Variants in PTPN13 observed in about 807,000 individuals in gnomAD.
PTPN13 encodes tyrosine-protein phosphatase non-receptor type 13.
A neutral mutation model predicts 284.0 loss-of-function variants in PTPN13; 191 were observed. That is an observed-to-expected ratio of 0.67 (90% CI 0.60 to 0.76). The LOEUF (loss-of-function observed/expected upper bound fraction) is 0.76, where lower values mean the gene tolerates loss of function less well. Among genes scored for constraint, PTPN13 ranks in the 30% least tolerant of loss-of-function variants. PTPN13 has a pLI of 0.00. For missense variants in PTPN13, 2,797 were observed against 2,939.9 expected (o/e 0.95, Z 1.12); for synonymous variants, 986 against 1,022.3 (o/e 0.96, Z 0.68).
intron 40 of PTPN13, among the ~76,000 whole-genome samples, 174 bp downstream of exon 40, chr4:86,786,110 A>C (rs1377858922): frequency 6.6e-6 from 1 of 152,126 alleles, no homozygotes; most frequent in African/African-American, 2.4e-5. Context: ...TCCTAGTGAA[A>C]GAATCATTAC....
At chr4:86,740,061 A>G (rs1038277248) in intron 15 of PTPN13, among the ~76,000 whole-genome samples, 3 of 152,118 alleles carry the variant, frequency 2.0e-5, no homozygotes, top group East Asian at 1.9e-4. Context: ...GGCTGGTTTC[A>G]TGGGCTGGTG....
rs532043300 is a variant in PTPN13, at chr4:86,595,146, G to C, written c.-6+357G>C. 3.3e-5 allele frequency among the ~76,000 whole-genome samples: 5 copies of C among 152,252 alleles called. No individual in the cohort carries two copies. The South Asian group carries it at 1.0e-3, about 32-fold the overall frequency. ...TGCCCCGTCGTGCTTGCACAGCTCC[G>C]CTCTGTGCGTGCTTAAGGGAAGGGC... On this transcript the variant is annotated intron_variant, in intron 1 of 47. Transcript: ENST00000411767.
chr4:86,654,079 A>T (rs961581028), intron 2 of PTPN13, among the ~76,000 whole-genome samples: 1 of 152,208 alleles, frequency 6.6e-6, no homozygotes, highest in Non-Finnish European at 1.5e-5. Flanking sequence ...GGAAAGATCT[A>T]AAATTGACAC....
At chr4:86,802,145 T>TG (rs565544263) in intron 42 of PTPN13, among the ~76,000 whole-genome samples, 1 of 143,954 alleles carries the variant, frequency 6.9e-6, no homozygotes, top group East Asian at 2.0e-4. Context: ...ATCAAGATTT[T>TG]AGTGTGTGTG....
intron 17 of PTPN13, among the ~76,000 whole-genome samples, chr4:86,746,550 G>A (rs17454432): frequency 0.082 from 12,452 of 152,232 alleles, 650 homozygotes; most frequent in Non-Finnish European, 0.11. Context: ...AGGAACCTAC[G>A]TAAAACTCAG....
At chr4:86,775,762 A>T in intron 35 of PTPN13, 110 bp downstream of exon 35, 2 of 894,426 alleles carry the variant, frequency 2.2e-6, no homozygotes, top group Non-Finnish European at 3.3e-6. Flanking sequence ...TTCATAGACT[A>T]AATTGGCAGG....
intron 2 of PTPN13, among the ~76,000 whole-genome samples, chr4:86,651,060 T>C (rs1272397978): frequency 1.3e-5 from 2 of 152,222 alleles, no homozygotes; most frequent in Non-Finnish European, 2.9e-5. Context: ...GTTTGTCATA[T>C]ATGGCCTTGA....
intron 1 of PTPN13, among the ~76,000 whole-genome samples, chr4:86,625,763 G>GC (rs1721767537): frequency 6.6e-6 from 1 of 152,102 alleles, no homozygotes; most frequent in Non-Finnish European, 1.5e-5. Context: ...CTTGCGATAT[G>GC]CCCCACTACG....
chr4:86,667,649 G>A (rs1727233510), intron 2 of PTPN13, among the ~76,000 whole-genome samples: 1 of 152,086 alleles, frequency 6.6e-6, no homozygotes, highest in African/African-American at 2.4e-5. Context: ...ATTTTTTAGG[G>A]AATTCCATAT....
At chr4:86,663,459 G>C (rs1726742868) in intron 2 of PTPN13, among the ~76,000 whole-genome samples, 2 of 152,178 alleles carry the variant, frequency 1.3e-5, no homozygotes, top group Admixed American at 6.6e-5. Context: ...TGTCTTCAGA[G>C]ATGAGGATGT....
intron 2 of PTPN13, among the ~76,000 whole-genome samples, chr4:86,636,448 C>A (rs1372762244): frequency 2.0e-5 from 3 of 152,276 alleles, no homozygotes; most frequent in South Asian, 2.1e-4. Context: ...AACCAAGCGT[C>A]ATCTAAAGAA....
Position 86,785,322 on chromosome 4 carries a change from G to A in PTPN13, c.6210G>A (p.Gln2070=). 6.2e-7 allele frequency: 1 copy of A among 1,610,970 alleles called. No individual in the cohort carries two copies. The highest frequency in any genetic ancestry group is 8.5e-7 in the Non-Finnish European group (1 of 1,178,132). ...SLLDVVDEEA[Q]NLLNENNAAG... ...TGGATGTTGTGGATGAGGAAGCCCA[G>A]AATCTTTTAAACGAAAATAATGCAG... The change falls in exon 39 of 48, where the codon CAG becomes CAA. Residue 2070 remains glutamine, a synonymous_variant. Transcript: ENST00000411767.
intron 31 of PTPN13, among the ~76,000 whole-genome samples, chr4:86,772,417 G>A (rs1740101600): frequency 1.3e-5 from 2 of 151,998 alleles, no homozygotes. Flanking sequence ...AGTTGGGCAT[G>A]GTGGCACACA....
intron 1 of PTPN13, among the ~76,000 whole-genome samples, chr4:86,612,494 A>G (rs1435046667): frequency 2.0e-5 from 3 of 152,232 alleles, no homozygotes; most frequent in Non-Finnish European, 4.4e-5. Flanking sequence ...GAGAGAAAGC[A>G]TGATAGAAAA....
chr4:86,648,472 A>T (rs188151634), intron 2 of PTPN13, among the ~76,000 whole-genome samples: 213 of 152,268 alleles, frequency 1.4e-3, no homozygotes, highest in African/African-American at 4.8e-3. Context: ...GAGTGAGAAC[A>T]TGTGAAATTT....
rs779782414 is a variant in PTPN13 at position 86,785,239 on chromosome 4, A to C, written c.6127A>C (p.Ile2043Leu). The C allele has an allele frequency of 1.5e-5, 23 of 1,539,968 alleles. No homozygotes were observed. In the South Asian group the frequency reaches 2.0e-4, roughly 13 times the overall value. ...PNLTLPKESY[I>L]QEDDIYDDSQ... ...AATTATTATTTTTCAAGAATCTTAT[A>C]TACAAGAAGATGACATTTATGATGA... The change falls in exon 39 of 48, where the codon ATA becomes CTA. Residue 2043 changes from isoleucine to leucine, a missense_variant. Ile to Leu is a conservative substitution (Grantham distance 5). Coordinates refer to ENST00000411767, the MANE Select transcript of PTPN13 (RefSeq NM_080683.3).
At chr4:86,669,285 GTATA>G (rs34939020) in intron 2 of PTPN13, among the ~76,000 whole-genome samples, 21,117 of 113,178 alleles carry the variant, frequency 0.19, 1,767 homozygotes, top group East Asian at 0.27. Flanking sequence ...GGAAGAAGAT[GTATA>G]TATATATATA....
chr4:86,672,319 TTTC>T (rs1166968403), intron 2 of PTPN13, 43 bp from the exon 3 acceptor site: 4 of 1,446,600 alleles, frequency 2.8e-6, no homozygotes, highest in African/African-American at 2.9e-5. Flanking sequence ...TTTAAGCAAT[TTTC>T]TTCTTTTTTT....
chr4:86,814,899 T>G lies in PTPN13; in HGVS notation c.*348T>G, dbSNP rs1242047725. On this transcript the variant is annotated 3_prime_UTR_variant, in exon 48 of 48. Coordinates refer to ENST00000411767, the MANE Select transcript of PTPN13 (RefSeq NM_080683.3). Reference sequence around the variant, plus strand: ...TTATAGCAAAAATGTTTTCCAATATTTTAATAAAGTAGTTATTTTATAGGG... The same window carrying G: ...TTATAGCAAAAATGTTTTCCAATATGTTAATAAAGTAGTTATTTTATAGGG... 1 of 172,100 alleles carries G rather than the reference T, an allele frequency of 5.8e-6. No individual in the cohort carries two copies. Among genetic ancestry groups the G allele is most frequent in the Non-Finnish European group, 1.2e-5 (1 of 80,922 alleles). The allele number at this position is 172,100 out of a possible 1,614,324, so 10.7% of individuals were successfully genotyped here.
Sources: gnomAD v4.1 joint callset for allele counts (sites outside exome capture counted in the v4.1 genomes callset) on GRCh38, gnomAD v4.1.1 for gene constraint, MANE v1.5 for transcripts, NCBI Gene and HGNC (gene_info 2026-07-23, HGNC 2026-07-21) for gene names.